Variants in MED13 observed in about 807,000 individuals in gnomAD.
The protein encoded by MED13 is mediator complex subunit 13, also known as mediator of RNA polymerase II transcription subunit 13.
MED13 carries 23 observed loss-of-function variants against 225.2 expected under a neutral mutation model. That is an observed-to-expected ratio of 0.10 (90% CI 0.07 to 0.14). MED13 has a LOEUF of 0.14. Ranked by LOEUF, MED13 falls within the 10% of genes least tolerant of loss-of-function variation. The probability of loss-of-function intolerance (pLI) is 1.00; values close to 1 mark genes in which losing one functional copy is unlikely to be tolerated. For missense variants in MED13, 2,197 were observed against 2,594.5 expected (o/e 0.85, Z 3.33); for synonymous variants, 942 against 889.2 (o/e 1.06, Z -1.06).
At chr17:62,030,221 CTCAGTACCAAGAGT>C in intron 6 of MED13, 2 of 457,204 alleles carry the variant, frequency 4.4e-6, no homozygotes, top group Non-Finnish European at 7.5e-6. Context: ...ACCTACCACT[CTCAGTACCAAGAGT>C]GGGGTTCTCA....
intron 16 of MED13, among the ~76,000 whole-genome samples, chr17:61,980,045 C>A (rs558306446): frequency 6.6e-6 from 1 of 152,014 alleles, no homozygotes; most frequent in Non-Finnish European, 1.5e-5. Flanking sequence ...AAAAATTAGC[C>A]GGGTGTGGTG....
intron 29 of MED13, 33 bp from the exon 30 acceptor site, chr17:61,946,633 T>C: frequency 3.1e-6 from 5 of 1,600,560 alleles, no homozygotes; most frequent in Non-Finnish European, 4.2e-6. Context: ...AAGTCATTTA[T>C]TTATTTCCAA....
At chr17:62,057,471 A>G (rs533240833) in intron 2 of MED13, among the ~76,000 whole-genome samples, 1 of 152,362 alleles carries the variant, frequency 6.6e-6, no homozygotes, top group South Asian at 2.1e-4. Context: ...TAGCCAATTT[A>G]AAGAGTCGGG....
chr17:62,031,184 C>A (rs1447786344), intron 6 of MED13: 4 of 303,126 alleles, frequency 1.3e-5, no homozygotes, highest in African/African-American at 8.7e-5. Flanking sequence ...ACACTGAGTA[C>A]ACAGGAGTGA....
chr17:61,999,991 G>A (rs1483521730), intron 9 of MED13, among the ~76,000 whole-genome samples: 1 of 152,118 alleles, frequency 6.6e-6, no homozygotes, highest in Non-Finnish European at 1.5e-5. Flanking sequence ...GATGGCTTGA[G>A]CCCAGGAGTT....
intron 16 of MED13, among the ~76,000 whole-genome samples, chr17:61,976,204 T>C (rs2080154840): frequency 6.6e-6 from 1 of 152,222 alleles, no homozygotes; most frequent in African/African-American, 2.4e-5. Flanking sequence ...ATACGGTATC[T>C]TCATACAATG....
chr17:62,013,159 C>CA (rs915462669), intron 8 of MED13, among the ~76,000 whole-genome samples: 17 of 151,236 alleles, frequency 1.1e-4, no homozygotes, highest in South Asian at 4.2e-4. Flanking sequence ...CCAAAGTTAT[C>CA]AAAAAAAACC....
intron 8 of MED13, among the ~76,000 whole-genome samples, chr17:62,023,992 G>A (rs1408808331): frequency 6.6e-6 from 1 of 151,760 alleles, no homozygotes; most frequent in African/African-American, 2.4e-5. Flanking sequence ...ATATGCCTCT[G>A]AGAAATTTCT....
At chr17:61,993,087 CA>C (rs1472266860) in intron 10 of MED13, among the ~76,000 whole-genome samples, 2 of 150,982 alleles carry the variant, frequency 1.3e-5, no homozygotes, top group African/African-American at 2.4e-5. Flanking sequence ...ATCTTATAGA[CA>C]AAAGTAGAGA....
At chr17:62,051,043 C>T (rs915471373) in intron 3 of MED13, among the ~76,000 whole-genome samples, 10 of 152,168 alleles carry the variant, frequency 6.6e-5, no homozygotes, top group African/African-American at 2.4e-4. Context: ...ATATTGTTAA[C>T]TGCCTACCCA....
At chr17:62,008,098 A>ATGAGGTCAGGAGATCGTG (rs2080470447) in intron 9 of MED13, among the ~76,000 whole-genome samples, 1 of 150,082 alleles carries the variant, frequency 6.7e-6, no homozygotes, top group South Asian at 2.1e-4. Context: ...CGGGCGGATC[A>ATGAGGTCAGGAGATCGTG]TGAGGTCAGG....
intron 3 of MED13, among the ~76,000 whole-genome samples, chr17:62,038,289 G>A (rs921515585): frequency 2.6e-5 from 4 of 151,928 alleles, no homozygotes; most frequent in Admixed American, 2.6e-4. Flanking sequence ...CCAGCTACTC[G>A]AGAGGCTGAG....
intron 9 of MED13, among the ~76,000 whole-genome samples, chr17:61,998,818 T>C (rs2080368324): frequency 6.6e-6 from 1 of 151,778 alleles, no homozygotes; most frequent in Non-Finnish European, 1.5e-5. Flanking sequence ...AGGCTGGTCT[T>C]GAACTCCTGG....
chr17:62,037,734 C>T (rs1033325633), intron 3 of MED13, among the ~76,000 whole-genome samples: 6 of 150,790 alleles, frequency 4.0e-5, no homozygotes, highest in Admixed American at 6.6e-5. Flanking sequence ...GCAGGTGGAT[C>T]GTTTGAGCCC....
At position 61,944,124 on chromosome 17, in the gene MED13, C is replaced by T. The variant is rs2079834840; in HGVS notation, c.*2344G>A. On this transcript the variant is annotated 3_prime_UTR_variant, in exon 30 of 30. Coordinates refer to ENST00000397786, the MANE Select transcript of MED13 (RefSeq NM_005121.3). ...TCAATAAATCCTGTATATTTGGGAA[C>T]TATTCCCTGATTCCCAAATAAAAAA... 1 of 152,540 alleles carries T rather than the reference C, an allele frequency of 6.6e-6. No individual in the cohort carries two copies. The highest frequency in any genetic ancestry group is 2.1e-4 in the South Asian group (1 of 4,832). 9.4% of individuals were successfully genotyped at this position (152,540 alleles called of 1,614,324 possible).
intron 19 of MED13, 55 bp from the exon 20 acceptor site, chr17:61,965,523 T>C (rs2080050301): frequency 1.4e-6 from 2 of 1,478,282 alleles, no homozygotes; most frequent in East Asian, 4.7e-5. Flanking sequence ...GACTGGTTTT[T>C]TTAAATTCTA....
chr17:62,034,033 C>A, intron 4 of MED13, 49 bp from the exon 5 acceptor site: 1 of 1,482,790 alleles, frequency 6.7e-7, no homozygotes, highest in Non-Finnish European at 9.3e-7. Flanking sequence ...ACTGTTTTAC[C>A]AAATAAGAAC....
At chr17:62,017,052 AG>A (rs2080589398) in intron 8 of MED13, among the ~76,000 whole-genome samples, 3 of 150,808 alleles carry the variant, frequency 2.0e-5, no homozygotes, top group Admixed American at 6.6e-5. Flanking sequence ...AAATAAATAA[AG>A]TAAATTAAAC....
chr17:62,024,053 T>C (rs2080675809), intron 8 of MED13, among the ~76,000 whole-genome samples: 1 of 152,078 alleles, frequency 6.6e-6, no homozygotes, highest in Non-Finnish European at 1.5e-5. Context: ...AGTCTCGCTC[T>C]GCCACCAACA....
Sources: allele counts gnomAD v4.1 joint callset (sites outside exome capture counted in the v4.1 genomes callset), GRCh38; gene constraint gnomAD v4.1.1; transcripts MANE v1.5; gene names NCBI Gene and HGNC (gene_info 2026-07-23, HGNC 2026-07-21).